Variants in CDH12 observed in about 807,000 individuals in gnomAD.
The protein encoded by CDH12 is cadherin-12.
A neutral mutation model predicts 74.1 loss-of-function variants in CDH12; 41 were observed. The observed-to-expected ratio is 0.55, with a 90% CI of 0.43 to 0.72. The LOEUF (loss-of-function observed/expected upper bound fraction) is 0.72, where lower values mean the gene tolerates loss of function less well. CDH12 is among the 30% of genes least tolerant of loss of function. The probability of loss-of-function intolerance (pLI) is 0.00; values close to 1 mark genes in which losing one functional copy is unlikely to be tolerated. For synonymous variants in CDH12, 399 were observed against 355.0 expected (o/e 1.12, Z -1.39); for missense variants, 945 against 977.2 (o/e 0.97, Z 0.44).
At chr5:22,636,654 A>C (rs779198574) in intron 1 of CDH12, among the ~76,000 whole-genome samples, 1 of 152,180 alleles carries the variant, frequency 6.6e-6, no homozygotes, top group Admixed American at 6.5e-5. Context: ...GTGAATGACA[A>C]TGTCTGAGGG....
At chr5:22,060,406 A>T (rs1248875825) in intron 5 of CDH12, among the ~76,000 whole-genome samples, 1 of 152,148 alleles carries the variant, frequency 6.6e-6, no homozygotes, top group Admixed American at 6.6e-5. Flanking sequence ...TGAGAGGTGC[A>T]GCAAACCACC....
intron 4 of CDH12, among the ~76,000 whole-genome samples, chr5:22,194,488 T>C (rs890289997): frequency 3.3e-5 from 5 of 151,704 alleles, no homozygotes; most frequent in African/African-American, 9.7e-5. Context: ...TCCGCCCCCA[T>C]GCCCGCCTAA....
At chr5:22,596,911 T>C (rs761579617) in intron 1 of CDH12, among the ~76,000 whole-genome samples, 1 of 152,160 alleles carries the variant, frequency 6.6e-6, no homozygotes, top group Non-Finnish European at 1.5e-5. Flanking sequence ...TTTGGTACAA[T>C]TAAAACCACA....
chr5:22,172,693 T>A (rs2066015541), intron 4 of CDH12, among the ~76,000 whole-genome samples: 1 of 151,874 alleles, frequency 6.6e-6, no homozygotes, highest in Non-Finnish European at 1.5e-5. Flanking sequence ...GTTGGGTAGA[T>A]GACTGTATAC....
intron 5 of CDH12, among the ~76,000 whole-genome samples, chr5:22,033,243 C>T (rs984765199): frequency 6.6e-6 from 1 of 152,050 alleles, no homozygotes; most frequent in Non-Finnish European, 1.5e-5. Context: ...ATTATGTAGT[C>T]TCAGCATTAC....
chr5:22,078,517 G>A lies in CDH12; in HGVS notation c.160C>T (p.Arg54Cys). 6.2e-7 allele frequency: 1 copy of A among 1,613,866 alleles called. No individual in the cohort carries two copies. Among genetic ancestry groups the A allele is most frequent in the Non-Finnish European group, 8.5e-7 (1 of 1,179,828 alleles). ...AAAAATTGATTCCATACCCAGCCAC[G>A]TTTAACACGTTGGAAATGTGACCGT... Reference protein sequence around the residue: ...GQRSHFQRVKRGWVWNQFFVL... With the variant: ...GQRSHFQRVKCGWVWNQFFVL... The change falls in exon 5 of 15, where the codon CGT becomes TGT. Residue 54 changes from arginine to cysteine, a missense_variant. This residue lies in a region of CDH12 where 148 missense variants were observed against 162.8 expected (regional missense o/e 0.91). Transcript: ENST00000382254.
chr5:21,762,396 T>C (rs1744774209), intron 12 of CDH12, among the ~76,000 whole-genome samples: 1 of 152,088 alleles, frequency 6.6e-6, no homozygotes, highest in African/African-American at 2.4e-5. Context: ...AGATGATAGA[T>C]AGGTAGATAA....
At chr5:22,809,738 AAAAC>A (rs1749036951) in intron 1 of CDH12, among the ~76,000 whole-genome samples, 1 of 152,110 alleles carries the variant, frequency 6.6e-6, no homozygotes, top group Non-Finnish European at 1.5e-5. Flanking sequence ...ATACTGGAAA[AAAAC>A]AAAACCTCTT....
At chr5:22,465,803 C>T (rs1047392826) in intron 2 of CDH12, among the ~76,000 whole-genome samples, 2 of 152,192 alleles carry the variant, frequency 1.3e-5, no homozygotes, top group East Asian at 3.9e-4. Flanking sequence ...ACAAAGGCAT[C>T]CATTGCTCAC....
At chr5:22,634,932 T>C (rs1457878453) in intron 1 of CDH12, among the ~76,000 whole-genome samples, 1 of 152,016 alleles carries the variant, frequency 6.6e-6, no homozygotes, top group African/African-American at 2.4e-5. Context: ...ACTCCCCAAA[T>C]TGAACCACAT....
At chr5:22,570,070 T>TATTG (rs1739470467) in intron 1 of CDH12, among the ~76,000 whole-genome samples, 1 of 150,886 alleles carries the variant, frequency 6.6e-6, no homozygotes, top group African/African-American at 2.4e-5. Context: ...TTTATTTATT[T>TATTG]ATTGAGACCG....
chr5:22,211,581 T>A (rs1751545591), intron 4 of CDH12, among the ~76,000 whole-genome samples: 1 of 151,896 alleles, frequency 6.6e-6, no homozygotes, highest in Non-Finnish European at 1.5e-5. Flanking sequence ...GTAATTAAAC[T>A]TTGGAAAAAA....
chr5:22,840,550 T>G (rs937953525), intron 1 of CDH12, among the ~76,000 whole-genome samples: 6 of 150,432 alleles, frequency 4.0e-5, no homozygotes, highest in Non-Finnish European at 1.5e-5. Context: ...TATGTTATTA[T>G]ATATTATACA....
chr5:22,376,992 A>C (rs1371110906), intron 3 of CDH12, among the ~76,000 whole-genome samples: 1 of 152,168 alleles, frequency 6.6e-6, no homozygotes, highest in Non-Finnish European at 1.5e-5. Flanking sequence ...GTATTAGTTT[A>C]TAAATTACCA....
At chr5:22,618,351 C>G (rs1248399751) in intron 1 of CDH12, among the ~76,000 whole-genome samples, 6 of 152,086 alleles carry the variant, frequency 3.9e-5, no homozygotes, top group African/African-American at 1.2e-4. Context: ...TAGGGATCCT[C>G]TAGGATCAAC....
intron 1 of CDH12, among the ~76,000 whole-genome samples, chr5:22,687,179 A>C (rs1189110343): frequency 6.6e-6 from 1 of 152,122 alleles, no homozygotes; most frequent in Non-Finnish European, 1.5e-5. Flanking sequence ...CTGTAATCCC[A>C]GCCTCTCGGG....
intron 1 of CDH12, among the ~76,000 whole-genome samples, chr5:22,575,925 G>T (rs1739767322): frequency 6.6e-6 from 1 of 151,148 alleles, no homozygotes; most frequent in South Asian, 2.1e-4. Flanking sequence ...TCAGTGCAGG[G>T]TTTCTACAGG....
At chr5:21,779,664 G>A (rs1745799681) in intron 11 of CDH12, 1 of 152,092 alleles carries the variant, frequency 6.6e-6, no homozygotes, top group Non-Finnish European at 1.5e-5. Flanking sequence ...TTTATAAAAG[G>A]GTCAGAGCCA....
At chr5:22,699,449 C>A (rs561436374) in intron 1 of CDH12, among the ~76,000 whole-genome samples, 1 of 151,336 alleles carries the variant, frequency 6.6e-6, no homozygotes, top group South Asian at 2.1e-4. Flanking sequence ...CTTTGATACA[C>A]AAAAGCTCTA....
Sources: gnomAD v4.1 joint callset for allele counts (sites outside exome capture counted in the v4.1 genomes callset) on GRCh38, gnomAD v4.1.1 for gene constraint, gnomAD v4.1.1 regional missense constraint, MANE v1.5 for transcripts, NCBI Gene and HGNC (gene_info 2026-07-23, HGNC 2026-07-21) for gene names.